The following SOX6 variants were observed in gnomAD, a reference collection of about 807,000 sequenced individuals.
SOX6 encodes SRY-box transcription factor 6, also known as transcription factor SOX-6.
In SOX6, 11 loss-of-function variants were observed where a neutral mutation model predicts 97.8. The observed-to-expected ratio is 0.11, with a 90% CI of 0.07 to 0.19. The LOEUF (loss-of-function observed/expected upper bound fraction) is 0.19. Ranked by LOEUF, SOX6 falls within the 10% of genes least tolerant of loss-of-function variation. The pLI, the probability that SOX6 is intolerant of heterozygous loss-of-function variation, is 1.00. For synonymous variants in SOX6, 360 were observed against 371.4 expected (o/e 0.97, Z 0.35); for missense variants, 810 against 1,039.5 (o/e 0.78, Z 3.04).
intron 4 of SOX6, among the ~76,000 whole-genome samples, chr11:16,493,679 T>G (rs1483070618): frequency 6.6e-6 from 1 of 152,198 alleles, no homozygotes; most frequent in Non-Finnish European, 1.5e-5. Flanking sequence ...TTTTCTCGAA[T>G]GCCTAATATT....
Position 16,111,906 on chromosome 11 carries a change from A to T in SOX6, c.795T>A (p.Pro265=). The T allele has an allele frequency of 6.2e-7, 1 of 1,612,394 alleles. No homozygotes were observed. The highest frequency in any genetic ancestry group is 8.5e-7 in the Non-Finnish European group (1 of 1,179,932). ...GTGGAAAAATTGGGATCATGAGCGG[A>T]GGCATGTGACCCTGAACCTGCTAAA... ...QQQIQVQGHM[P]PLMIPIFPHD... Residue 265 remains proline, a synonymous_variant, in exon 7 of 16, where the codon CCT becomes CCA. Coordinates refer to ENST00000683767, the MANE Select transcript of SOX6 (RefSeq NM_001367873.1).
At chr11:16,577,219 A>T (rs1467641563) in intron 4 of SOX6, 3 of 152,256 alleles carry the variant, frequency 2.0e-5, no homozygotes, top group Non-Finnish European at 4.4e-5. Flanking sequence ...TCAAATGTAC[A>T]CACACAAATG....
intron 4 of SOX6, among the ~76,000 whole-genome samples, chr11:16,569,093 T>G (rs753531682): frequency 6.6e-6 from 1 of 152,078 alleles, no homozygotes; most frequent in Non-Finnish European, 1.5e-5. Flanking sequence ...GCATCTTGAG[T>G]TGGAATTTTT....
chr11:16,625,378 C>T (rs966168239), intron 3 of SOX6, among the ~76,000 whole-genome samples: 6 of 152,136 alleles, frequency 3.9e-5, no homozygotes, highest in African/African-American at 1.2e-4. Context: ...ATATTGGTCT[C>T]TGCCCCCAGT....
intron 9 of SOX6, among the ~76,000 whole-genome samples, chr11:16,083,124 C>T (rs1848506572): frequency 6.6e-6 from 1 of 152,124 alleles, no homozygotes; most frequent in African/African-American, 2.4e-5. Context: ...CCAGTACTTC[C>T]CCAGGGGGAG....
chr11:16,029,505 G>C (rs532388527), intron 12 of SOX6, among the ~76,000 whole-genome samples: 2 of 152,104 alleles, frequency 1.3e-5, no homozygotes, highest in South Asian at 2.1e-4. Flanking sequence ...GCGTGGTAGC[G>C]GGCTCCTGTA....
chr11:16,727,026 A>T (rs1334990914), intron 2 of SOX6, among the ~76,000 whole-genome samples: 11 of 152,118 alleles, frequency 7.2e-5, no homozygotes, highest in Non-Finnish European at 1.5e-5. Context: ...TTACTTGTGT[A>T]TTAACTTACA....
chr11:16,251,937 T>C (rs1853525315), intron 3 of SOX6, among the ~76,000 whole-genome samples: 1 of 151,876 alleles, frequency 6.6e-6, no homozygotes, highest in Non-Finnish European at 1.5e-5. Context: ...CATAATTATA[T>C]AAGATGCAAA....
intron 2 of SOX6, 38 bp from the exon 3 acceptor site, chr11:16,318,691 C>T (rs533717624): frequency 1.0e-5 from 16 of 1,580,524 alleles, no homozygotes; most frequent in Middle Eastern, 1.8e-4. Flanking sequence ...TTAGAATATA[C>T]GTTTCTTTGC....
chr11:16,161,687 C>G (rs1452960065), intron 6 of SOX6, among the ~76,000 whole-genome samples: 5 of 152,148 alleles, frequency 3.3e-5, no homozygotes, highest in Non-Finnish European at 7.3e-5. Flanking sequence ...ATATAACACT[C>G]CTGGTGCTAA....
intron 3 of SOX6, among the ~76,000 whole-genome samples, chr11:16,309,280 C>G (rs898403771): frequency 1.3e-5 from 2 of 151,908 alleles, no homozygotes. Context: ...TGTCCAGAAA[C>G]AATAAACAGG....
chr11:16,361,202 A>G (rs1392651813), upstream of SOX6, among the ~76,000 whole-genome samples: 2 of 152,176 alleles, frequency 1.3e-5, no homozygotes, highest in African/African-American at 2.4e-5. Context: ...CATGCAGCCA[A>G]TAAGGGTGGC....
chr11:16,514,588 C>A (rs1860934843), intron 4 of SOX6, among the ~76,000 whole-genome samples: 1 of 151,436 alleles, frequency 6.6e-6, no homozygotes, highest in Non-Finnish European at 1.5e-5. Flanking sequence ...GGTACATGTG[C>A]ACATTGTGCA....
intron 1 of SOX6, among the ~76,000 whole-genome samples, chr11:16,460,298 CT>C (rs1433771370): frequency 2.6e-5 from 4 of 151,948 alleles, no homozygotes; most frequent in Non-Finnish European, 5.9e-5. Flanking sequence ...CCTTTTGCTC[CT>C]CTTTTTCATG....
intron 6 of SOX6, among the ~76,000 whole-genome samples, chr11:16,150,310 A>G (rs1169108918): frequency 2.0e-5 from 3 of 152,214 alleles, no homozygotes; most frequent in African/African-American, 7.2e-5. Flanking sequence ...ATGTAAACCC[A>G]GAGTTCTTTT....
At chr11:16,463,171 T>C (rs746523205) in intron 1 of SOX6, among the ~76,000 whole-genome samples, 10 of 152,220 alleles carry the variant, frequency 6.6e-5, no homozygotes, top group Non-Finnish European at 1.3e-4. Flanking sequence ...ACAAATTGGT[T>C]CCAAACTCAG....
intron 3 of SOX6, among the ~76,000 whole-genome samples, chr11:16,265,624 A>T (rs899945788): frequency 6.6e-6 from 1 of 151,882 alleles, no homozygotes; most frequent in African/African-American, 2.4e-5. Flanking sequence ...ATGAAACTGA[A>T]CTAACGATGA....
intron 9 of SOX6, among the ~76,000 whole-genome samples, chr11:16,064,770 G>C (rs1848051328): frequency 6.6e-6 from 1 of 151,750 alleles, no homozygotes; most frequent in Non-Finnish European, 1.5e-5. Context: ...AAAATCATAT[G>C]ATCATTTCAA....
intron 2 of SOX6, among the ~76,000 whole-genome samples, chr11:16,730,689 G>A (rs1316301522): frequency 6.6e-6 from 1 of 152,090 alleles, no homozygotes; most frequent in Non-Finnish European, 1.5e-5. Flanking sequence ...AAAAGAACTA[G>A]AGAAGCAAAA....
Sources: allele counts gnomAD v4.1 joint callset (sites outside exome capture counted in the v4.1 genomes callset), GRCh38; gene constraint gnomAD v4.1.1; transcripts MANE v1.5; gene names NCBI Gene and HGNC (gene_info 2026-07-23, HGNC 2026-07-21).